The following PPM1D variants were observed in gnomAD, a reference collection of about 807,000 sequenced individuals.
The protein encoded by PPM1D is protein phosphatase 1D.
Under a neutral mutation model 58.3 loss-of-function variants are expected in PPM1D, and 52 were observed. The observed-to-expected ratio is 0.89, with a 90% confidence interval of 0.71 to 1.12. PPM1D has a LOEUF of 1.12. Ranked by LOEUF, PPM1D falls within the 50% of genes most tolerant of loss-of-function variation. The pLI, the probability that PPM1D is intolerant of heterozygous loss-of-function variation, is 0.00. For synonymous variants in PPM1D, 278 were observed against 285.1 expected (o/e 0.98, Z 0.25); for missense variants, 564 against 777.2 (o/e 0.73, Z 3.26).
At chr17:60,618,380 G>A (rs2030628061) in intron 1 of PPM1D, among the ~76,000 whole-genome samples, 1 of 152,164 alleles carries the variant, frequency 6.6e-6, no homozygotes, top group African/African-American at 2.4e-5. Context: ...AATGTTACCT[G>A]CAATGTACCA....
intron 5 of PPM1D, among the ~76,000 whole-genome samples, chr17:60,661,296 T>C (rs980069951): frequency 4.0e-5 from 6 of 151,724 alleles, no homozygotes; most frequent in African/African-American, 1.5e-4. Flanking sequence ...GATAAATACG[T>C]CTTCATTTGC....
chr17:60,622,988 T>C (rs977925062), intron 1 of PPM1D, among the ~76,000 whole-genome samples: 1 of 152,172 alleles, frequency 6.6e-6, no homozygotes, highest in Admixed American at 6.5e-5. Flanking sequence ...TACCAGCTAC[T>C]CGAGAGGCTG....
intron 2 of PPM1D, among the ~76,000 whole-genome samples, chr17:60,629,374 C>G (rs1377515276): frequency 6.6e-6 from 1 of 152,200 alleles, no homozygotes; most frequent in East Asian, 1.9e-4. Context: ...TGAGCCATCA[C>G]TTGGGAGATG....
chr17:60,607,879 T>C (rs1361598538), intron 1 of PPM1D, among the ~76,000 whole-genome samples: 1 of 152,246 alleles, frequency 6.6e-6, no homozygotes, highest in African/African-American at 2.4e-5. Context: ...GCATTCATTT[T>C]AAAAGAGTAT....
At chr17:60,657,094 A>G (rs756492786) in intron 5 of PPM1D, 2 of 1,344,104 alleles carry the variant, frequency 1.5e-6, no homozygotes, top group Non-Finnish European at 1.9e-6. Flanking sequence ...TGCTATGAAC[A>G]TTATTTTTAA....
chr17:60,601,455 G>T (rs1206559238), intron 1 of PPM1D, among the ~76,000 whole-genome samples: 1 of 152,188 alleles, frequency 6.6e-6, no homozygotes, highest in African/African-American at 2.4e-5. Context: ...AAGGAATTCC[G>T]TTGTAATGAT....
At chr17:60,616,380 G>A (rs907638047) in intron 1 of PPM1D, among the ~76,000 whole-genome samples, 9 of 152,010 alleles carry the variant, frequency 5.9e-5, no homozygotes, top group Admixed American at 2.0e-4. Flanking sequence ...AGGCCGAGGC[G>A]GCAGATTACT....
At chr17:60,638,039 C>T (rs919310251) in intron 3 of PPM1D, among the ~76,000 whole-genome samples, 5 of 152,124 alleles carry the variant, frequency 3.3e-5, no homozygotes, top group African/African-American at 1.2e-4. Context: ...AATAGCAAGA[C>T]CACAACCATG....
At chr17:60,659,325 C>T (rs1444281804) in intron 5 of PPM1D, among the ~76,000 whole-genome samples, 1 of 152,114 alleles carries the variant, frequency 6.6e-6, no homozygotes, top group Non-Finnish European at 1.5e-5. Flanking sequence ...GAGACTTAAT[C>T]ACATTTAGAC....
chr17:60,655,223 T>G (rs2031414698), intron 4 of PPM1D, among the ~76,000 whole-genome samples: 2 of 152,264 alleles, frequency 1.3e-5, no homozygotes, highest in Non-Finnish European at 1.5e-5. Context: ...TTGAGTCATT[T>G]TCTTCGATTT....
intron 2 of PPM1D, among the ~76,000 whole-genome samples, chr17:60,631,311 C>G (rs943310830): frequency 1.3e-5 from 2 of 151,186 alleles, no homozygotes; most frequent in African/African-American, 2.4e-5. Context: ...CAGAACGACA[C>G]CCTGTCTCAA....
chr17:60,609,197 G>A (rs914991892), intron 1 of PPM1D, among the ~76,000 whole-genome samples: 4 of 150,550 alleles, frequency 2.7e-5, no homozygotes, highest in Middle Eastern at 3.7e-3. Context: ...GGATTCAAGC[G>A]ATTCTCCTAC....
At chr17:60,631,127 G>A (rs564239638) in intron 2 of PPM1D, among the ~76,000 whole-genome samples, 1 of 152,260 alleles carries the variant, frequency 6.6e-6, no homozygotes, top group African/African-American at 2.4e-5. Context: ...AGGATGGCTT[G>A]AGCCCAGGAG....
intron 1 of PPM1D, among the ~76,000 whole-genome samples, chr17:60,623,131 G>T (rs975601094): frequency 1.3e-5 from 2 of 152,136 alleles, no homozygotes; most frequent in African/African-American, 4.8e-5. Context: ...GAAGAGATAT[G>T]AGTAAACAGA....
intron 1 of PPM1D, among the ~76,000 whole-genome samples, chr17:60,612,533 G>A (rs1393685404): frequency 6.6e-6 from 1 of 152,176 alleles, no homozygotes; most frequent in Non-Finnish European, 1.5e-5. Flanking sequence ...GTCCTTGTGT[G>A]TAGGAATTAA....
At chr17:60,637,558 C>T (rs2031048986) in intron 3 of PPM1D, among the ~76,000 whole-genome samples, 1 of 152,078 alleles carries the variant, frequency 6.6e-6, no homozygotes, top group Non-Finnish European at 1.5e-5. Context: ...GGTGGTGATA[C>T]CTATTTGGCT....
At chr17:60,612,431 G>A (rs573064609) in intron 1 of PPM1D, among the ~76,000 whole-genome samples, 49 of 152,254 alleles carry the variant, frequency 3.2e-4, no homozygotes, top group Admixed American at 8.5e-4. Context: ...TGTATATAGC[G>A]TGTTGCTCCT....
Position 60,661,096 on chromosome 17 carries a change from G to A in PPM1D, c.1261-1899G>A, listed in dbSNP as rs577691980. ...TAGCTGGGCATGGTGGCGCATGCCT[G>A]TAGTCCTAGCTACTCAGGAGGCTGA... On this transcript the variant is annotated intron_variant, in intron 5 of 5. Transcript: ENST00000305921. Among the ~76,000 whole-genome samples, 175 of 151,702 alleles carry A rather than the reference G, an allele frequency of 1.2e-3. 1 individual carries two copies. The highest frequency in any genetic ancestry group is 1.9e-3 in the Non-Finnish European group (128 of 67,936).
At chr17:60,601,624 T>G (rs574634264) in intron 1 of PPM1D, among the ~76,000 whole-genome samples, 6 of 152,322 alleles carry the variant, frequency 3.9e-5, no homozygotes, top group African/African-American at 1.2e-4. Context: ...TGCTTTCAGA[T>G]AGTTCCCAAC....
Sources: allele counts gnomAD v4.1 joint callset (sites outside exome capture counted in the v4.1 genomes callset), GRCh38; gene constraint gnomAD v4.1.1; transcripts MANE v1.5; gene names NCBI Gene and HGNC (gene_info 2026-07-23, HGNC 2026-07-21).